KLHL1: variants seen among roughly 807,000 people sequenced by gnomAD.
The protein encoded by KLHL1 is kelch-like protein 1.
Under a neutral mutation model 77.7 loss-of-function variants are expected in KLHL1, and 47 were observed. The ratio of observed to expected loss-of-function variants is 0.60; its 90% CI spans 0.48 to 0.77. The LOEUF (loss-of-function observed/expected upper bound fraction) is 0.77, where lower values mean the gene tolerates loss of function less well. Among genes scored for constraint, KLHL1 ranks in the 30% least tolerant of loss-of-function variants. The probability of loss-of-function intolerance (pLI) is 0.00; values close to 1 mark genes in which losing one functional copy is unlikely to be tolerated. For missense variants in KLHL1, 925 were observed against 910.8 expected (o/e 1.02, Z -0.20); for synonymous variants, 360 against 325.2 (o/e 1.11, Z -1.15).
At chr13:69,931,138 T>A (rs1882992949) in intron 4 of KLHL1, among the ~76,000 whole-genome samples, 1 of 151,696 alleles carries the variant, frequency 6.6e-6, no homozygotes, top group African/African-American at 2.4e-5. Flanking sequence ...AGAAACTAAT[T>A]TCCATCTATA....
At chr13:69,844,692 A>G (rs1156947709) in intron 5 of KLHL1, among the ~76,000 whole-genome samples, 4 of 151,590 alleles carry the variant, frequency 2.6e-5, no homozygotes, top group African/African-American at 9.7e-5. Context: ...CCAGCTTCCT[A>G]TTGCCAGTTT....
intron 1 of KLHL1, among the ~76,000 whole-genome samples, chr13:70,062,956 T>C (rs1886925882): frequency 6.6e-6 from 1 of 152,192 alleles, no homozygotes; most frequent in South Asian, 2.1e-4. Context: ...TTTACCTTAA[T>C]TAAGAATTTT....
At chr13:69,956,169 A>T (rs968453083) in intron 3 of KLHL1, among the ~76,000 whole-genome samples, 1 of 115,560 alleles carries the variant, frequency 8.7e-6, no homozygotes, top group African/African-American at 4.3e-5. Flanking sequence ...TGATATATAT[A>T]TTTATTATAT....
At position 70,107,588 on chromosome 13, in the gene KLHL1, G is replaced by T. The variant is rs751816506; in HGVS notation, c.112C>A (p.Leu38Met). ...STGGPAGGGC[L>M]QQDGSGSFEH... is the part of the protein sequence containing the mutation. The stretch of plus-strand genomic sequence containing the variant: ...AAGCTGCCACTGCCGTCCTGTTGCA[G>T]GCAGCCTCCCCCCGCCGGGCCGCCG... Residue 38 changes from leucine to methionine, a missense_variant, in exon 1 of 11, where the codon CTG (leucine) becomes ATG (methionine). Coordinates refer to ENST00000377844, the MANE Select transcript of KLHL1 (RefSeq NM_020866.3). 1.2e-6 allele frequency: 2 copies of T among 1,602,898 alleles called. No individual in the cohort carries two copies. Among genetic ancestry groups the T allele is most frequent in the Non-Finnish European group, 1.7e-6 (2 of 1,174,302 alleles).
At chr13:69,969,649 A>G (rs1054215526) in intron 2 of KLHL1, among the ~76,000 whole-genome samples, 1 of 152,158 alleles carries the variant, frequency 6.6e-6, no homozygotes. Context: ...AAATAATTAC[A>G]TAATATCTTC....
intron 1 of KLHL1, among the ~76,000 whole-genome samples, chr13:70,056,476 T>C (rs1886748082): frequency 6.6e-6 from 1 of 152,256 alleles, no homozygotes; most frequent in African/African-American, 2.4e-5. Context: ...ATCTGCATTA[T>C]AGACCAAATG....
chr13:69,701,817 C>T, intron 10 of KLHL1, 56 bp from the exon 11 acceptor site: 12 of 1,227,984 alleles, frequency 9.8e-6, no homozygotes, highest in South Asian at 4.2e-5. Flanking sequence ...AAATATAAAA[C>T]TTATATTTTA....
At chr13:69,952,235 C>A (rs1756165563) in intron 3 of KLHL1, among the ~76,000 whole-genome samples, 1 of 151,452 alleles carries the variant, frequency 6.6e-6, no homozygotes. Flanking sequence ...AAGCAGAGTG[C>A]ATAGCCCAGG....
At chr13:69,935,833 C>T (rs951500393) in intron 4 of KLHL1, among the ~76,000 whole-genome samples, 1 of 152,018 alleles carries the variant, frequency 6.6e-6, no homozygotes, top group South Asian at 2.1e-4. Flanking sequence ...GAAAGTCCTG[C>T]AAAAGTACCC....
intron 4 of KLHL1, among the ~76,000 whole-genome samples, chr13:69,933,815 G>GA (rs112717494): frequency 8.7e-5 from 13 of 149,924 alleles, no homozygotes; most frequent in African/African-American, 1.5e-4. Context: ...AAATACTTGA[G>GA]AAAAAAAAAT....
At chr13:69,703,708 C>G (rs1863297578) in intron 10 of KLHL1, among the ~76,000 whole-genome samples, 1 of 151,474 alleles carries the variant, frequency 6.6e-6, no homozygotes, top group African/African-American at 2.4e-5. Flanking sequence ...TCTACAGTAC[C>G]TTTACTATGT....
At chr13:70,073,181 G>A (rs922389860) in intron 1 of KLHL1, among the ~76,000 whole-genome samples, 7 of 152,110 alleles carry the variant, frequency 4.6e-5, no homozygotes, top group Admixed American at 4.6e-4. Context: ...ATGATAGACT[G>A]GATTAAGAAA....
intron 6 of KLHL1, among the ~76,000 whole-genome samples, chr13:69,801,545 ATAT>A (rs1877382222): frequency 6.6e-6 from 1 of 152,076 alleles, no homozygotes; most frequent in African/African-American, 2.4e-5. Flanking sequence ...TACAGTAATA[ATAT>A]TATTTTATAA....
intron 6 of KLHL1, among the ~76,000 whole-genome samples, chr13:69,819,617 C>CAA (rs34373404): frequency 0.087 from 12,206 of 140,128 alleles, 577 homozygotes; most frequent in Non-Finnish European, 0.11. Flanking sequence ...GGAGGTAATG[C>CAA]AAAAAAAAAA....
intron 1 of KLHL1, among the ~76,000 whole-genome samples, chr13:70,038,039 T>C (rs1886281494): frequency 6.6e-6 from 1 of 152,194 alleles, no homozygotes; most frequent in Non-Finnish European, 1.5e-5. Flanking sequence ...GTAATTACAC[T>C]TACCTTTTCC....
chr13:69,809,965 T>C (rs1464553819), intron 6 of KLHL1, among the ~76,000 whole-genome samples: 7 of 151,896 alleles, frequency 4.6e-5, no homozygotes. Context: ...TAGATAATGA[T>C]AAAGGGTTCA....
At position 69,816,589 on chromosome 13, in the gene KLHL1, A is replaced by G. The variant is rs149014058; in HGVS notation, c.1415-19627T>C. Among the ~76,000 whole-genome samples, 6 of 152,196 alleles carry G rather than the reference A, an allele frequency of 3.9e-5. No individual in the cohort carries two copies. In the East Asian group the frequency reaches 1.2e-3, roughly 29 times the overall value. On this transcript the variant is annotated intron_variant, in intron 6 of 10. Coordinates refer to ENST00000377844, the MANE Select transcript of KLHL1 (RefSeq NM_020866.3). ...TTGAATTTTTTATATGTAACTACCT[A>G]TTTTAAATGTTCTACCATAAATATT...
intron 7 of KLHL1, among the ~76,000 whole-genome samples, chr13:69,780,384 T>C (rs983455592): frequency 6.6e-6 from 1 of 152,018 alleles, no homozygotes. Context: ...AAGAAACATA[T>C]TGTCTTGGTT....
chr13:69,780,715 T>C (rs1277409662), intron 7 of KLHL1, among the ~76,000 whole-genome samples: 4 of 27,792 alleles, frequency 1.4e-4, no homozygotes, highest in African/African-American at 6.8e-4. Context: ...TATATATATA[T>C]GTATATATAT....
Sources: allele counts gnomAD v4.1 joint callset (sites outside exome capture counted in the v4.1 genomes callset), GRCh38; gene constraint gnomAD v4.1.1; transcripts MANE v1.5; gene names NCBI Gene and HGNC (gene_info 2026-07-23, HGNC 2026-07-21).